SBNO2: variants seen among roughly 807,000 people sequenced by gnomAD.
SBNO2 encodes the protein protein strawberry notch homolog 2.
A neutral mutation model predicts 146.3 loss-of-function variants in SBNO2; 89 were observed. The observed-to-expected ratio is 0.61, with a 90% confidence interval of 0.51 to 0.73. The LOEUF is 0.73. Among genes scored for constraint, SBNO2 ranks in the 30% least tolerant of loss-of-function variants. The probability of loss-of-function intolerance (pLI) is 0.00; values close to 1 mark genes in which losing one functional copy is unlikely to be tolerated. For synonymous variants in SBNO2, 1,147 were observed against 892.6 expected (o/e 1.29, Z -5.08); for missense variants, 2,092 against 2,003.7 (o/e 1.04, Z -0.84).
At chr19:1,132,136 G>A in intron 4 of SBNO2, 3 of 1,509,700 alleles carry the variant, frequency 2.0e-6, no homozygotes, top group South Asian at 1.3e-5. Context: ...CTGGGACATG[G>A]TCCCGGCGCT....
At chr19:1,147,016 C>T (rs1301540121) in intron 4 of SBNO2, among the ~76,000 whole-genome samples, 1 of 152,266 alleles carries the variant, frequency 6.6e-6, no homozygotes, top group East Asian at 1.9e-4. Flanking sequence ...GGCATCTCTC[C>T]CAGCACCGCC....
At chr19:1,171,454 G>A (rs1364018759) in intron 1 of SBNO2, among the ~76,000 whole-genome samples, 2 of 152,188 alleles carry the variant, frequency 1.3e-5, no homozygotes, top group Non-Finnish European at 2.9e-5. Context: ...CTGGCGTCAT[G>A]GGGGGCTGCC....
chr19:1,124,188 C>T lies in SBNO2; in HGVS notation c.442-166G>A, dbSNP rs1480656917. The T allele has an allele frequency of 1.3e-5, 9 of 685,344 alleles. No individual in the cohort carries two copies. In the African/African-American group the frequency reaches 1.7e-4, roughly 13 times the overall value. The allele number at this position is 685,344 out of a possible 1,614,324, so 42.5% of individuals were successfully genotyped here. ...TGCTCTCCTGCTGTTCTCAGGGTGA[C>T]CCTGGTGCCTCCCAAGCCTCCCCAG... On this transcript the variant is annotated intron_variant, in intron 5 of 31. Transcript: ENST00000361757.
At chr19:1,168,398 G>A (rs1172182513) in intron 1 of SBNO2, among the ~76,000 whole-genome samples, 1 of 152,090 alleles carries the variant, frequency 6.6e-6, no homozygotes, top group Non-Finnish European at 1.5e-5. Flanking sequence ...AGCTGAGTGA[G>A]ACCCACCCGG....
Position 1,122,874 on chromosome 19 carries a change from G to T in SBNO2, c.780+20C>A. 6.5e-7 allele frequency: 1 copy of T among 1,541,626 alleles called. No homozygotes were observed. Among genetic ancestry groups the T allele is most frequent in the South Asian group, 1.2e-5 (1 of 83,372 alleles). On this transcript the variant is annotated intron_variant, in intron 8 of 31. Coordinates refer to ENST00000361757, the MANE Select transcript of SBNO2 (RefSeq NM_014963.3). ...GGCCTCGCGGACACAGGCTGGGCTG[G>T]GTTGGGGACATGCGGTCACCTGGCA...
At chr19:1,132,391 G>T in intron 4 of SBNO2, 1 of 688,374 alleles carries the variant, frequency 1.5e-6, no homozygotes, top group Non-Finnish European at 1.8e-6. Context: ...ATTACTGTAC[G>T]GGGCGGATCT....
chr19:1,152,050 G>A (rs1384044741), intron 2 of SBNO2, among the ~76,000 whole-genome samples: 5 of 152,220 alleles, frequency 3.3e-5, no homozygotes, highest in Admixed American at 1.3e-4. Context: ...GCCCAGAGGT[G>A]TCCATGACGT....
chr19:1,131,858 C>T (rs890708037), intron 4 of SBNO2, among the ~76,000 whole-genome samples: 2 of 152,190 alleles, frequency 1.3e-5, no homozygotes, highest in Admixed American at 6.5e-5. Flanking sequence ...CACAGGGCGC[C>T]GCTCCCAGCC....
rs1432204371 is a variant in SBNO2 at position 1,150,420 on chromosome 19, CAG to C, written c.94-980_94-979del. ...TGCACAGGGCCAACCTCACCTGCAG[CAG>C]AGAGACCCTGCCGTCACAGACGCCC... is the stretch of plus-strand genomic sequence containing the variant. On this transcript the variant is annotated intron_variant, in intron 2 of 31. Transcript: ENST00000361757. This position sits in a 1 kb window ranked among gnomAD's most constrained non-coding sequence, Gnocchi z 6.2. Among the ~76,000 whole-genome samples the C allele has an allele frequency of 6.6e-6, 1 of 151,788 alleles. No individual in the cohort carries two copies. Among genetic ancestry groups the C allele is most frequent in the Non-Finnish European group, 1.5e-5 (1 of 67,968 alleles).
intron 5 of SBNO2, among the ~76,000 whole-genome samples, chr19:1,124,964 G>A (rs2079948620): frequency 6.6e-6 from 1 of 152,088 alleles, no homozygotes; most frequent in African/African-American, 2.4e-5. Flanking sequence ...ACGGATGGCT[G>A]GGGGATGGTA....
chr19:1,109,498 G>A lies in SBNO2; in HGVS notation c.3216+8C>T, dbSNP rs779107394. On this transcript the variant is annotated splice_region_variant and intron_variant, in intron 28 of 31. Coordinates refer to ENST00000361757, the MANE Select transcript of SBNO2 (RefSeq NM_014963.3). This position sits in a 1 kb window ranked among gnomAD's most constrained non-coding sequence, Gnocchi z 4.2. ...CTCCTCTGGGGGGGTAACCCCGCCC[G>A]ACCCCACCTTGTAGGAGAGGTAGAA... 10 of 1,589,728 alleles carry A rather than the reference G, an allele frequency of 6.3e-6. No homozygotes were observed. In the East Asian group the frequency reaches 6.9e-5, roughly 11 times the overall value.
In SBNO2 at chr19:1,123,821, T is replaced by C. The variant is rs2079933623; in HGVS notation, c.522+121A>G. 7.8e-6 allele frequency: 9 copies of C among 1,148,708 alleles called. 1 individual carries two copies. In the South Asian group the frequency reaches 1.2e-4, roughly 16 times the overall value. The allele number at this position is 1,148,708 out of a possible 1,614,324, so 71.2% of individuals were successfully genotyped here. A position where few individuals can be genotyped will look rare whatever the true frequency, so the allele number is the denominator to read the frequency against. On this transcript the variant is annotated intron_variant, in intron 6 of 31. Transcript: ENST00000361757. ...GGCCTCCATCTCCTCAGCTATAAAA[T>C]GGGCACTCCCAGCTTCTAGGCCAGC...
At chr19:1,123,453 G>A (rs909442006) in intron 7 of SBNO2, 81 bp downstream of exon 7, 22 of 1,161,970 alleles carry the variant, frequency 1.9e-5, no homozygotes, top group East Asian at 2.3e-5. Flanking sequence ...TGGGCTGTGC[G>A]GGCGGTGGTC....
chr19:1,119,696 G>A (rs891778287), intron 12 of SBNO2, 75 bp from the exon 13 acceptor site: 2 of 1,331,316 alleles, frequency 1.5e-6, no homozygotes, highest in African/African-American at 1.5e-5. Flanking sequence ...ACTAAGTTGG[G>A]ACCACCCGAC....
intron 4 of SBNO2, among the ~76,000 whole-genome samples, chr19:1,131,797 G>A (rs1384138484): frequency 1.3e-5 from 2 of 152,232 alleles, no homozygotes; most frequent in African/African-American, 2.4e-5. Flanking sequence ...GCCCCCGTCC[G>A]GGCAGGGCTG....
chr19:1,130,767 G>A (rs1317018214), intron 4 of SBNO2, among the ~76,000 whole-genome samples: 1 of 152,210 alleles, frequency 6.6e-6, no homozygotes, highest in East Asian at 1.9e-4. Flanking sequence ...ACACCAGCCT[G>A]GGTGACAGAG....
intron 4 of SBNO2, among the ~76,000 whole-genome samples, chr19:1,145,879 G>A (rs981706406): frequency 6.6e-5 from 10 of 152,106 alleles, no homozygotes; most frequent in African/African-American, 2.4e-4. Flanking sequence ...CCCCTCCCCT[G>A]AACACAGCTG....
intron 1 of SBNO2, among the ~76,000 whole-genome samples, chr19:1,169,369 C>A (rs1325816060): frequency 6.6e-6 from 1 of 152,234 alleles, no homozygotes; most frequent in Non-Finnish European, 1.5e-5. Context: ...GACTGAGCTT[C>A]AGGGCCACGC....
At chr19:1,147,558 G>A (rs1599865907) in intron 3 of SBNO2, 138 bp from the exon 4 acceptor site, 1 of 534,986 alleles carries the variant, frequency 1.9e-6, no homozygotes. Context: ...AGGACCCATG[G>A]CCCCGCTGCA....
Sources: allele counts gnomAD v4.1 joint callset (sites outside exome capture counted in the v4.1 genomes callset), GRCh38; gene constraint gnomAD v4.1.1; non-coding constraint Gnocchi (gnomAD v3.1); transcripts MANE v1.5; gene names NCBI Gene and HGNC (gene_info 2026-07-23, HGNC 2026-07-21).